Variants in CLSTN2 observed in about 807,000 individuals in gnomAD.
CLSTN2 encodes calsyntenin 2.
CLSTN2 carries 48 observed loss-of-function variants against 101.2 expected under a neutral mutation model. The ratio of observed to expected loss-of-function variants is 0.47; its 90% CI spans 0.38 to 0.60. The LOEUF is 0.60. Ranked by LOEUF, CLSTN2 falls within the 20% of genes least tolerant of loss-of-function variation. The pLI is 0.00. For synonymous variants in CLSTN2, 481 were observed against 463.6 expected (o/e 1.04, Z -0.48); for missense variants, 1,160 against 1,238.2 (o/e 0.94, Z 0.95).
chr3:140,068,325 A>G (rs1268128952), intron 1 of CLSTN2, among the ~76,000 whole-genome samples: 1 of 152,204 alleles, frequency 6.6e-6, no homozygotes, highest in Admixed American at 6.5e-5. Flanking sequence ...GGGCCTTAGA[A>G]TCTTTACAAA....
intron 5 of CLSTN2, among the ~76,000 whole-genome samples, chr3:140,438,430 T>TAAAAAAA (rs1301059937): frequency 1.7e-4 from 1 of 5,838 alleles, no homozygotes; most frequent in African/African-American, 3.1e-3. Flanking sequence ...GGTCCTTTCA[T>TAAAAAAA]TAAAAAAAAA....
intron 1 of CLSTN2, among the ~76,000 whole-genome samples, chr3:140,151,245 C>T (rs908636004): frequency 3.9e-5 from 6 of 152,006 alleles, no homozygotes; most frequent in Non-Finnish European, 5.9e-5. Context: ...GAGTGGTTGT[C>T]ACAGGAAAAT....
At chr3:140,028,077 A>T (rs912784441) in intron 1 of CLSTN2, among the ~76,000 whole-genome samples, 2 of 152,200 alleles carry the variant, frequency 1.3e-5, no homozygotes, top group African/African-American at 4.8e-5. Flanking sequence ...GTCAGGGAAA[A>T]GGTAGTTGCT....
intron 1 of CLSTN2, among the ~76,000 whole-genome samples, chr3:140,053,775 T>G (rs965994615): frequency 2.6e-5 from 4 of 152,172 alleles, no homozygotes; most frequent in African/African-American, 9.7e-5. Context: ...CCTGTTTCAT[T>G]ATGTGTGAAA....
At chr3:140,075,172 T>C (rs909988084) in intron 1 of CLSTN2, among the ~76,000 whole-genome samples, 20 of 152,216 alleles carry the variant, frequency 1.3e-4, no homozygotes, top group African/African-American at 4.6e-4. Context: ...CTCTCTAAAT[T>C]ACATTTATTA....
intron 1 of CLSTN2, among the ~76,000 whole-genome samples, chr3:139,992,390 A>G (rs1476633176): frequency 6.6e-6 from 1 of 152,126 alleles, no homozygotes; most frequent in Non-Finnish European, 1.5e-5. Flanking sequence ...ACGTCCTGAG[A>G]CATGGTAGGA....
intron 2 of CLSTN2, among the ~76,000 whole-genome samples, chr3:140,360,670 GA>G (rs1364481218): frequency 2.0e-5 from 3 of 152,026 alleles, no homozygotes; most frequent in Non-Finnish European, 2.9e-5. Flanking sequence ...ACCATCTCAG[GA>G]CTCTGGGAAT....
intron 1 of CLSTN2, among the ~76,000 whole-genome samples, chr3:140,132,536 C>A (rs1375899414): frequency 6.6e-6 from 1 of 152,124 alleles, no homozygotes; most frequent in African/African-American, 2.4e-5. Flanking sequence ...CTGCCACTTT[C>A]CAGAAATGAG....
chr3:140,009,019 T>C (rs1009760472), intron 1 of CLSTN2, among the ~76,000 whole-genome samples: 32 of 152,358 alleles, frequency 2.1e-4, no homozygotes, highest in Admixed American at 6.5e-4. Flanking sequence ...GACTTTATTT[T>C]TGCATCAATG....
intron 2 of CLSTN2, among the ~76,000 whole-genome samples, chr3:140,192,740 C>G (rs2010586720): frequency 6.6e-6 from 1 of 151,722 alleles, no homozygotes; most frequent in Non-Finnish European, 1.5e-5. Flanking sequence ...TCATGTTTTT[C>G]AATCTACTCT....
At chr3:140,312,668 A>G (rs1047367557) in intron 2 of CLSTN2, among the ~76,000 whole-genome samples, 1 of 152,230 alleles carries the variant, frequency 6.6e-6, no homozygotes, top group Non-Finnish European at 1.5e-5. Flanking sequence ...AGGATAAGCC[A>G]GTGTGTTGCA....
intron 2 of CLSTN2, among the ~76,000 whole-genome samples, chr3:140,226,040 C>A (rs576594109): frequency 3.2e-4 from 48 of 152,214 alleles, no homozygotes; most frequent in African/African-American, 1.1e-3. Context: ...TTGGAAAACA[C>A]CTTGGGAATT....
intron 1 of CLSTN2, among the ~76,000 whole-genome samples, chr3:140,091,319 C>T (rs1425566635): frequency 6.6e-6 from 1 of 152,128 alleles, no homozygotes; most frequent in East Asian, 1.9e-4. Context: ...GACTCTTGAG[C>T]CTTAACAAAG....
At chr3:140,423,264 C>T (rs1337783317) in intron 5 of CLSTN2, among the ~76,000 whole-genome samples, 3 of 152,206 alleles carry the variant, frequency 2.0e-5, no homozygotes, top group Non-Finnish European at 4.4e-5. Flanking sequence ...TTGAGCACCA[C>T]CTTATAGCGC....
At chr3:140,423,550 A>C (rs896869618) in intron 5 of CLSTN2, among the ~76,000 whole-genome samples, 1 of 152,220 alleles carries the variant, frequency 6.6e-6, no homozygotes, top group Admixed American at 6.5e-5. Flanking sequence ...ATCAGAATCA[A>C]CTACTTCATA....
Position 140,006,055 on chromosome 3 carries a change from T to C in CLSTN2, c.109+70572T>C, listed in dbSNP as rs9871885. Among the ~76,000 whole-genome samples, 6 of 152,048 alleles carry C rather than the reference T, an allele frequency of 3.9e-5. No homozygotes were observed. In the East Asian group the frequency reaches 1.2e-3, roughly 29 times the overall value. On this transcript the variant is annotated intron_variant, in intron 1 of 16. Transcript: ENST00000458420. ...CACAATTATGATTCAGAAACCAGAGTTGACATTGATATTCAATATAATATA... is the reference window on the plus strand; with the variant it reads ...CACAATTATGATTCAGAAACCAGAGCTGACATTGATATTCAATATAATATA...
intron 1 of CLSTN2, among the ~76,000 whole-genome samples, chr3:140,144,165 AC>A (rs1560108180): frequency 1.3e-5 from 2 of 152,232 alleles, no homozygotes; most frequent in African/African-American, 4.8e-5. Flanking sequence ...TAAAGAACTG[AC>A]TTCCACAGTT....
At chr3:140,415,820 A>G (rs2107986762) in intron 4 of CLSTN2, among the ~76,000 whole-genome samples, 1 of 152,288 alleles carries the variant, frequency 6.6e-6, no homozygotes, top group Admixed American at 6.5e-5. Flanking sequence ...GAATAGAACT[A>G]CCATAGGTTC....
At chr3:140,095,999 G>A (rs1427479367) in intron 1 of CLSTN2, among the ~76,000 whole-genome samples, 8 of 152,162 alleles carry the variant, frequency 5.3e-5, no homozygotes, top group Non-Finnish European at 1.5e-5. Context: ...AAGCACAATG[G>A]GTAGAAGAGG....
Sources: gnomAD v4.1 joint callset for allele counts (sites outside exome capture counted in the v4.1 genomes callset) on GRCh38, gnomAD v4.1.1 for gene constraint, MANE v1.5 for transcripts, NCBI Gene and HGNC (gene_info 2026-07-23, HGNC 2026-07-21) for gene names.